Variants in ACSF2 observed in about 807,000 individuals in gnomAD.
ACSF2 encodes medium-chain acyl-CoA ligase ACSF2, mitochondrial.
ACSF2 carries 52 observed loss-of-function variants against 79.3 expected under a neutral mutation model. The ratio of observed to expected loss-of-function variants is 0.66; its 90% CI spans 0.53 to 0.83. The LOEUF (loss-of-function observed/expected upper bound fraction) is 0.83. Among genes scored for constraint, ACSF2 ranks in the 40% least tolerant of loss-of-function variants. The probability of loss-of-function intolerance (pLI) is 0.00; values close to 1 mark genes in which losing one functional copy is unlikely to be tolerated. For missense variants in ACSF2, 661 were observed against 803.3 expected, an observed-to-expected ratio of 0.82 and a Z score of 2.14; for synonymous variants, 283 against 312.6, an observed-to-expected ratio of 0.91 and a Z score of 1.00.
chr17:50,457,593 C>G (rs1164174625), intron 1 of ACSF2, among the ~76,000 whole-genome samples: 1 of 152,024 alleles, frequency 6.6e-6, no homozygotes, highest in Non-Finnish European at 1.5e-5. Context: ...GGGAAAGAAA[C>G]CCCACTTCTG....
chr17:50,454,496 G>A (rs1241310965), intron 1 of ACSF2, among the ~76,000 whole-genome samples: 1 of 152,106 alleles, frequency 6.6e-6, no homozygotes, highest in Non-Finnish European at 1.5e-5. Context: ...TTGTTGCTCT[G>A]TGGTGCCCCA....
intron 1 of ACSF2, among the ~76,000 whole-genome samples, chr17:50,441,879 C>T (rs969572822): frequency 3.3e-5 from 5 of 152,098 alleles, no homozygotes; most frequent in Non-Finnish European, 7.3e-5. Flanking sequence ...CTTACTCTGT[C>T]TCCCAGGCTG....
At chr17:50,449,604 C>T (rs553866152) in intron 1 of ACSF2, among the ~76,000 whole-genome samples, 74 of 150,174 alleles carry the variant, frequency 4.9e-4, no homozygotes, top group Non-Finnish European at 9.2e-4. Flanking sequence ...TTAGTAGAAA[C>T]GGGATTTCAC....
Position 50,465,376 on chromosome 17 carries a change from G to T in ACSF2, c.1215+1082G>T, listed in dbSNP as rs763544208. On this transcript the variant is annotated intron_variant, in intron 10 of 15. Transcript: ENST00000300441. ...AGGCGTCCGTGTCACGGATGTGCTG[G>T]CCCTTGAACTTGGCAGGTGAGGCAC... 3.7e-6 allele frequency: 6 copies of T among 1,613,920 alleles called. No homozygotes were observed. The African/African-American group carries it at 8.0e-5, about 22-fold the overall frequency.
chr17:50,435,248 A>G (rs1209116765), intron 1 of ACSF2, among the ~76,000 whole-genome samples: 1 of 152,150 alleles, frequency 6.6e-6, no homozygotes, highest in Non-Finnish European at 1.5e-5. Flanking sequence ...AAAACTCACA[A>G]AAGTGAGTTT....
At chr17:50,433,503 G>A (rs528924050) in intron 1 of ACSF2, among the ~76,000 whole-genome samples, 1 of 152,260 alleles carries the variant, frequency 6.6e-6, no homozygotes, top group East Asian at 1.9e-4. Flanking sequence ...AGCCTTGTAT[G>A]TATTTTAGTA....
Position 50,463,160 on chromosome 17 carries a change from C to A in ACSF2, c.797C>A (p.Thr266Lys), listed in dbSNP as rs2143719113. 6.2e-7 allele frequency: 1 copy of A among 1,613,764 alleles called. No homozygotes were observed. The highest frequency in any genetic ancestry group is 8.5e-7 in the Non-Finnish European group (1 of 1,179,824). Residue 266 changes from threonine to lysine, a missense_variant, in exon 7 of 16, where the codon ACA becomes AAA. Transcript: ENST00000300441. This position sits in a 1 kb window ranked among gnomAD's most constrained non-coding sequence, Gnocchi z 4.6. ...DPINIQFTSG[T>K]TGSPKGATLS... is the part of the protein sequence containing the mutation. ...ATGCCCTGTTTGCCTTGTCAGGGGA[C>A]AACAGGCAGCCCCAAGGGGGCCACC...
rs182248172 is a variant in ACSF2 at position 50,460,756 on chromosome 17, A to C, written c.208A>C (p.Asn70His). 3.5e-5 allele frequency: 57 copies of C among 1,613,480 alleles called. No homozygotes were observed. In the East Asian group the frequency reaches 9.6e-4, roughly 27 times the overall value. Residue 70 changes from asparagine (N) to histidine (H), a missense_variant, in exon 2 of 16, where the codon AAC (asparagine) becomes CAC (histidine). By Grantham distance (68) the Asn-to-His change is moderately conservative. Coordinates refer to ENST00000300441, the MANE Select transcript of ACSF2 (RefSeq NM_025149.6). ...TCAGGGGTGCACCAAAAAGCATCTT[A>C]ACAGCAAGACTGTGGGCCAGTGCCT... Reference protein sequence around the residue: ...YVQGCTKKHLNSKTVGQCLET... With the variant: ...YVQGCTKKHLHSKTVGQCLET...
rs754974897 is a variant in ACSF2, at chr17:50,474,284, A to AG, written c.1797+19dup. The AG allele has an allele frequency of 6.2e-7, 1 of 1,613,778 alleles. No homozygotes were observed. Among genetic ancestry groups the AG allele is most frequent in the Non-Finnish European group, 8.5e-7 (1 of 1,179,738 alleles). On this transcript the variant is annotated intron_variant, in intron 15 of 15. Transcript: ENST00000300441. The surrounding 1 kb of genome is among the most constrained non-coding windows in gnomAD (Gnocchi z 4.2). ...TCAGGAAAGGTGTGTAAGGTGGAGG[A>AG]GGCTGGGGAGGGCAGCCTGGGCTCT... is the stretch of plus-strand genomic sequence containing the variant.
In ACSF2 at chr17:50,461,532, G is replaced by C. The variant is rs929213923; in HGVS notation, c.454-101G>C. On this transcript the variant is annotated intron_variant, in intron 3 of 15. Transcript: ENST00000300441. ...CACCAAGGAGGTCTCTGGGAGTTAG[G>C]GGGCTGTAGAGTGCTGCCTCTATGC... 3 of 1,593,898 alleles carry C rather than the reference G, an allele frequency of 1.9e-6. No homozygotes were observed. In the East Asian group the frequency reaches 6.7e-5, roughly 36 times the overall value.
chr17:50,435,117 G>T (rs1049653949), intron 1 of ACSF2, among the ~76,000 whole-genome samples: 1 of 152,146 alleles, frequency 6.6e-6, no homozygotes, highest in African/African-American at 2.4e-5. Flanking sequence ...TGATTTGCCC[G>T]TCTCGGCCTC....
chr17:50,467,945 T>C, intron 10 of ACSF2: 3 of 1,345,334 alleles, frequency 2.2e-6, no homozygotes, highest in Non-Finnish European at 3.0e-6. Flanking sequence ...ACAGGGAACC[T>C]GGGGACGGGG....
chr17:50,465,914 A>G, intron 10 of ACSF2: 1 of 1,610,160 alleles, frequency 6.2e-7, no homozygotes, highest in Non-Finnish European at 8.5e-7. Flanking sequence ...GGTGGTCATG[A>G]GTGAATGAGT....
At chr17:50,448,840 CT>C (rs1379255682) in intron 1 of ACSF2, among the ~76,000 whole-genome samples, 2 of 152,020 alleles carry the variant, frequency 1.3e-5, no homozygotes, top group African/African-American at 4.8e-5. Flanking sequence ...CTTGTGATAT[CT>C]TTTGTTATCA....
At chr17:50,461,004 G>A in intron 2 of ACSF2, 132 bp downstream of exon 2, 2 of 1,195,016 alleles carry the variant, frequency 1.7e-6, no homozygotes, top group Non-Finnish European at 2.3e-6. Context: ...CCCGAGGGAT[G>A]GCAGGAGAAG....
At chr17:50,434,743 T>C (rs2030246395) in intron 1 of ACSF2, among the ~76,000 whole-genome samples, 1 of 152,018 alleles carries the variant, frequency 6.6e-6, no homozygotes. Context: ...TAGTCGTTTG[T>C]AGTTTGTTCT....
Position 50,463,307 on chromosome 17 carries a change from T to TG in ACSF2, c.888+62dup. 5 of 1,610,618 alleles carry TG rather than the reference T, an allele frequency of 3.1e-6. No homozygotes were observed. The highest frequency in any genetic ancestry group is 4.2e-6 in the Non-Finnish European group (5 of 1,177,988). ...GCAGGAGGGGTGGCTCAGGCAGGGGTGGGGGGCTGGCTGGGCTCCCCTTGC... is the reference window on the plus strand; with the variant it reads ...GCAGGAGGGGTGGCTCAGGCAGGGGTGGGGGGGCTGGCTGGGCTCCCCTTGC... On this transcript the variant is annotated intron_variant, in intron 7 of 15. Transcript: ENST00000300441. The surrounding 1 kb of genome is among the most constrained non-coding windows in gnomAD (Gnocchi z 4.6).
intron 1 of ACSF2, among the ~76,000 whole-genome samples, chr17:50,431,274 G>C (rs2029900468): frequency 1.3e-5 from 2 of 152,198 alleles, no homozygotes; most frequent in African/African-American, 4.8e-5. Context: ...AGCATGTAAA[G>C]GTAATAAAAA....
chr17:50,449,537 T>C (rs2031529696), intron 1 of ACSF2, among the ~76,000 whole-genome samples: 1 of 151,404 alleles, frequency 6.6e-6, no homozygotes, highest in African/African-American at 2.4e-5. Flanking sequence ...CCCAAGTAAC[T>C]GGGACTACAG....
Sources: allele counts gnomAD v4.1 joint callset (sites outside exome capture counted in the v4.1 genomes callset), GRCh38; gene constraint gnomAD v4.1.1; non-coding constraint Gnocchi (gnomAD v3.1); transcripts MANE v1.5; gene names NCBI Gene and HGNC (gene_info 2026-07-23, HGNC 2026-07-21).